The following TNR variants were observed in gnomAD, a reference collection of about 807,000 sequenced individuals.
The protein encoded by TNR is tenascin R, also known as tenascin-R.
A neutral mutation model predicts 150.4 loss-of-function variants in TNR; 45 were observed. The ratio of observed to expected loss-of-function variants is 0.30; its 90% CI spans 0.24 to 0.38. TNR has a LOEUF of 0.38. TNR is among the 10% of genes least tolerant of loss of function. The probability of loss-of-function intolerance (pLI) is 1.00; values close to 1 mark genes in which losing one functional copy is unlikely to be tolerated. For synonymous variants in TNR, 687 were observed against 678.4 expected (o/e 1.01, Z -0.20); for missense variants, 1,544 against 1,759.1 (o/e 0.88, Z 2.19).
chr1:175,401,330 C>T (rs1287355205), intron 4 of TNR, among the ~76,000 whole-genome samples: 1 of 152,096 alleles, frequency 6.6e-6, no homozygotes, highest in Non-Finnish European at 1.5e-5. Context: ...CAGCGATGGC[C>T]CACACTGACC....
chr1:175,395,054 A>AT (rs11392448), intron 5 of TNR, among the ~76,000 whole-genome samples: 38,337 of 151,034 alleles, frequency 0.25, 5,011 homozygotes, highest in Middle Eastern at 0.44. Flanking sequence ...GCACCAGAGG[A>AT]TTTTTTTTTT....
At chr1:175,558,433 A>G (rs970247581) in intron 1 of TNR, among the ~76,000 whole-genome samples, 1 of 152,192 alleles carries the variant, frequency 6.6e-6, no homozygotes, top group African/African-American at 2.4e-5. Context: ...AGTCAGTACT[A>G]TTATTATCTA....
At chr1:175,370,198 G>C (rs1652032034) in intron 9 of TNR, among the ~76,000 whole-genome samples, 1 of 152,048 alleles carries the variant, frequency 6.6e-6, no homozygotes, top group African/African-American at 2.4e-5. Context: ...TGAAGAATGA[G>C]AATAAAAACA....
intron 1 of TNR, among the ~76,000 whole-genome samples, chr1:175,592,617 A>G (rs1180339873): frequency 6.6e-6 from 1 of 152,240 alleles, no homozygotes; most frequent in Non-Finnish European, 1.5e-5. Flanking sequence ...ATCAATCACT[A>G]CAGTCCTTTA....
chr1:175,587,856 G>T (rs1471651711), intron 1 of TNR, among the ~76,000 whole-genome samples: 1 of 152,208 alleles, frequency 6.6e-6, no homozygotes, highest in Non-Finnish European at 1.5e-5. Flanking sequence ...AGCCTGTGCA[G>T]GTTGTTGCAT....
intron 1 of TNR, among the ~76,000 whole-genome samples, chr1:175,602,203 C>CAAAAAAAAAAAAAA (rs57341654): frequency 9.8e-5 from 3 of 30,562 alleles, no homozygotes; most frequent in African/African-American, 1.9e-4. Flanking sequence ...GGACCAAAGG[C>CAAAAAAAAAAAAAA]AAAAAAAAAA....
chr1:175,354,308 A>G (rs1006215744), intron 18 of TNR, 83 bp downstream of exon 18: 1 of 1,539,962 alleles, frequency 6.5e-7, no homozygotes, highest in African/African-American at 1.4e-5. Context: ...AACTGCTCCC[A>G]GAGCAAGTCT....
Position 175,396,453 on chromosome 1 carries a change from A to C in TNR, c.1240+91T>G, listed in dbSNP as rs936569517. On this transcript the variant is annotated intron_variant, in intron 5 of 22. Transcript: ENST00000367674. ...GCAATAACTATTCCAGGCATCCCTG[A>C]AGAACTAAGAAAAGACGCTACTATC... The C allele has an allele frequency of 2.7e-6, 4 of 1,478,124 alleles. No individual in the cohort carries two copies. The African/African-American group carries it at 5.6e-5, about 21-fold the overall frequency. 91.6% of individuals were successfully genotyped at this position (1,478,124 alleles called of 1,614,324 possible). A position where few individuals can be genotyped will look rare whatever the true frequency, so the allele number is the denominator to read the frequency against.
At chr1:175,413,485 A>G (rs188599235) in intron 2 of TNR, among the ~76,000 whole-genome samples, 2 of 152,194 alleles carry the variant, frequency 1.3e-5, no homozygotes, top group African/African-American at 2.4e-5. Context: ...TGTCTTTGGT[A>G]TGAGGCAGTG....
At chr1:175,386,685 T>C (rs918747342) in intron 7 of TNR, among the ~76,000 whole-genome samples, 1 of 152,110 alleles carries the variant, frequency 6.6e-6, no homozygotes, top group Non-Finnish European at 1.5e-5. Context: ...TCTCACCTCT[T>C]TGAGCCCTGA....
At chr1:175,632,756 C>A (rs1410335254) in intron 1 of TNR, among the ~76,000 whole-genome samples, 5 of 152,082 alleles carry the variant, frequency 3.3e-5, no homozygotes, top group Admixed American at 6.5e-5. Context: ...ATGAAAAAAA[C>A]GAGATGGGAA....
At chr1:175,571,332 T>G (rs1661861210) in intron 1 of TNR, among the ~76,000 whole-genome samples, 1 of 152,222 alleles carries the variant, frequency 6.6e-6, no homozygotes, top group Non-Finnish European at 1.5e-5. Flanking sequence ...CTATAGTTGA[T>G]GTTTACTGGA....
intron 1 of TNR, among the ~76,000 whole-genome samples, chr1:175,574,586 T>TACAC (rs376373972): frequency 4.6e-5 from 7 of 151,278 alleles, no homozygotes; most frequent in Admixed American, 2.0e-4. Flanking sequence ...CACTTGTACA[T>TACAC]ACACACACAC....
intron 1 of TNR, among the ~76,000 whole-genome samples, chr1:175,652,184 T>C (rs142389258): frequency 0.025 from 3,680 of 148,046 alleles, 62 homozygotes; most frequent in Non-Finnish European, 0.037. Context: ...TATAATGTAA[T>C]ATATTATCAT....
intron 2 of TNR, among the ~76,000 whole-genome samples, chr1:175,420,925 TA>T (rs1219693422): frequency 6.6e-6 from 1 of 152,204 alleles, no homozygotes; most frequent in East Asian, 1.9e-4. Context: ...CAGTGACATT[TA>T]AAAAAATAAT....
In TNR at chr1:175,315,873, T is replaced by G. The variant is rs1034882245; in HGVS notation, c.*7484A>C. On this transcript the variant is annotated 3_prime_UTR_variant, in exon 23 of 23. Coordinates refer to ENST00000367674, the MANE Select transcript of TNR (RefSeq NM_003285.3). ...ATGATTGGAAGGAGGAGCCTGTGTG[T>G]TAACCAAAATAGACTCACATAGATT... 6.6e-6 allele frequency: 1 copy of G among 151,968 alleles called. No homozygotes were observed. Among genetic ancestry groups the G allele is most frequent in the Non-Finnish European group, 1.5e-5 (1 of 68,122 alleles). 9.4% of individuals were successfully genotyped at this position (151,968 alleles called of 1,614,324 possible).
chr1:175,450,929 T>C (rs1175533061), intron 2 of TNR, among the ~76,000 whole-genome samples: 1 of 152,166 alleles, frequency 6.6e-6, no homozygotes, highest in East Asian at 1.9e-4. Flanking sequence ...CCTCCACCAT[T>C]CTTTTTTTCT....
Position 175,487,440 on chromosome 1 carries a change from G to A in TNR, c.-64+40829C>T, listed in dbSNP as rs375103856. Among the ~76,000 whole-genome samples the A allele has an allele frequency of 4.6e-5, 7 of 152,236 alleles. No homozygotes were observed. In the South Asian group the frequency reaches 1.0e-3, roughly 23 times the overall value. ...GGCATACTCATTTGATGATCTTCCC[G>A]ACATCCTTTGATTTTGGACACTGCT... On this transcript the variant is annotated intron_variant, in intron 2 of 22. Coordinates refer to ENST00000367674, the MANE Select transcript of TNR (RefSeq NM_003285.3).
intron 1 of TNR, among the ~76,000 whole-genome samples, chr1:175,710,944 A>G (rs889247910): frequency 1.1e-4 from 17 of 151,978 alleles, no homozygotes; most frequent in Admixed American, 1.1e-3. Flanking sequence ...GCTGTCCTCT[A>G]CCTGTTCTGT....
Sources: gnomAD v4.1 joint callset for allele counts (sites outside exome capture counted in the v4.1 genomes callset) on GRCh38, gnomAD v4.1.1 for gene constraint, MANE v1.5 for transcripts, NCBI Gene and HGNC (gene_info 2026-07-23, HGNC 2026-07-21) for gene names.